Variants in WNT7B observed in about 807,000 individuals in gnomAD.
The protein encoded by WNT7B is Wnt family member 7B, also known as protein Wnt-7b.
WNT7B carries 19 observed loss-of-function variants against 38.2 expected under a neutral mutation model. The observed-to-expected ratio is 0.50, with a 90% CI of 0.35 to 0.73. The LOEUF (loss-of-function observed/expected upper bound fraction) is 0.73, where lower values mean the gene tolerates loss of function less well. WNT7B is among the 30% of genes least tolerant of loss of function. WNT7B has a pLI of 0.01. For missense variants in WNT7B, 423 were observed against 507.9 expected, an observed-to-expected ratio of 0.83 and a Z score of 1.61; for synonymous variants, 243 against 209.3, an observed-to-expected ratio of 1.16 and a Z score of -1.39.
chr22:45,960,115 G>C (rs1313977273), intron 1 of WNT7B, among the ~76,000 whole-genome samples: 1 of 152,160 alleles, frequency 6.6e-6, no homozygotes, highest in Non-Finnish European at 1.5e-5. Flanking sequence ...GCAGGATCAT[G>C]GCCTCGGGGC....
intron 1 of WNT7B, chr22:45,954,919 T>C (rs1030553260): frequency 4.0e-6 from 1 of 252,970 alleles, no homozygotes; most frequent in African/African-American, 2.3e-5. Flanking sequence ...TCAGAGAGGC[T>C]AGGGGACCTG....
chr22:45,926,693 T>C, intron 3 of WNT7B: 3 of 980,506 alleles, frequency 3.1e-6, no homozygotes, highest in South Asian at 4.7e-5. Flanking sequence ...GGCCGGTCCC[T>C]GCCCCTAAGT....
chr22:45,940,152 ATAGGG>A (rs1392693972), intron 2 of WNT7B, among the ~76,000 whole-genome samples: 13 of 152,174 alleles, frequency 8.5e-5, no homozygotes, highest in African/African-American at 3.1e-4. Flanking sequence ...TGATGGACAC[ATAGGG>A]CCAATGGATG....
intron 3 of WNT7B, among the ~76,000 whole-genome samples, chr22:45,928,508 C>T (rs140333154): frequency 8.2e-4 from 123 of 150,626 alleles, no homozygotes; most frequent in Non-Finnish European, 9.8e-4. Context: ...ACCGGCCATC[C>T]GAGACAAGGC....
At chr22:45,960,681 A>T (rs1246259501) in intron 1 of WNT7B, among the ~76,000 whole-genome samples, 1 of 152,334 alleles carries the variant, frequency 6.6e-6, no homozygotes, top group Non-Finnish European at 1.5e-5. Context: ...TATCTGAAGA[A>T]TGTTCCAATT....
At chr22:45,972,026 C>T in intron 1 of WNT7B, 1 of 451,932 alleles carries the variant, frequency 2.2e-6, no homozygotes, top group Non-Finnish European at 3.9e-6. Flanking sequence ...CCCCCGGCTC[C>T]CGCGCGCGAC....
chr22:45,954,572 C>T, intron 1 of WNT7B: 1 of 985,332 alleles, frequency 1.0e-6, no homozygotes, highest in Non-Finnish European at 1.2e-6. Flanking sequence ...GTGGGGCTGA[C>T]AGAGCAGGGG....
rs1932546368 is a variant in WNT7B, at chr22:45,976,185, G to A, written c.71+499C>T. On this transcript the variant is annotated intron_variant, in intron 1 of 3. Transcript: ENST00000339464. This position sits in a 1 kb window ranked among gnomAD's most constrained non-coding sequence, Gnocchi z 8.5. ...TTTCAACACGTCTGGGTGATGGATA[G>A]AGACGAAGGGCCGCGGCGGGTGCCC... Among the ~76,000 whole-genome samples the A allele has an allele frequency of 6.8e-6, 1 of 146,088 alleles. No individual in the cohort carries two copies. Among genetic ancestry groups the A allele is most frequent in the Non-Finnish European group, 1.5e-5 (1 of 65,670 alleles).
At chr22:45,929,574 A>T (rs1931230744) in intron 3 of WNT7B, among the ~76,000 whole-genome samples, 1 of 140,386 alleles carries the variant, frequency 7.1e-6, no homozygotes, top group African/African-American at 2.7e-5. Context: ...CCCCTCATTC[A>T]TCCATACTTC....
At chr22:45,937,630 G>T (rs1177779520) in intron 2 of WNT7B, among the ~76,000 whole-genome samples, 2 of 152,254 alleles carry the variant, frequency 1.3e-5, no homozygotes, top group African/African-American at 4.8e-5. Context: ...CCCGCCAGCT[G>T]CCATGTGAAC....
At chr22:45,960,426 C>T (rs2146744353) in intron 1 of WNT7B, among the ~76,000 whole-genome samples, 1 of 152,094 alleles carries the variant, frequency 6.6e-6, no homozygotes. Flanking sequence ...AATTGCCCAG[C>T]ACCTGGCCAG....
At chr22:45,925,679 C>A (rs1931061288) in intron 3 of WNT7B, 1 of 985,306 alleles carries the variant, frequency 1.0e-6, no homozygotes. Context: ...CCCTTCAGGC[C>A]TGGAAGTGTC....
intron 3 of WNT7B, among the ~76,000 whole-genome samples, chr22:45,928,177 C>A (rs964198218): frequency 1.1e-4 from 17 of 152,168 alleles, no homozygotes; most frequent in Non-Finnish European, 1.8e-4. Flanking sequence ...TGCTTTCCAC[C>A]CACCTCACTG....
intron 3 of WNT7B, chr22:45,927,134 C>T (rs2055931038): frequency 1.0e-6 from 1 of 985,336 alleles, no homozygotes; most frequent in Non-Finnish European, 1.2e-6. Flanking sequence ...GGGGGCATGG[C>T]CTCTGTCTGC....
At position 45,965,275 on chromosome 22, in the gene WNT7B, C is replaced by A. The variant is rs1162687125; in HGVS notation, c.71+11409G>T. On this transcript the variant is annotated intron_variant, in intron 1 of 3. Coordinates refer to ENST00000339464, the MANE Select transcript of WNT7B (RefSeq NM_058238.3). This position sits in a 1 kb window ranked among gnomAD's most constrained non-coding sequence, Gnocchi z 6.5. ...TGAGAGGTCTTCCCTGGGCCACCCT[C>A]ATCACAGATGGCTTAGAGCTCCTGC... 2.6e-5 allele frequency among the ~76,000 whole-genome samples: 4 copies of A among 152,232 alleles called. No homozygotes were observed. The highest frequency in any genetic ancestry group is 5.9e-5 in the Non-Finnish European group (4 of 68,050).
intron 2 of WNT7B, among the ~76,000 whole-genome samples, chr22:45,933,464 G>A (rs992714974): frequency 3.3e-5 from 5 of 152,178 alleles, no homozygotes; most frequent in Non-Finnish European, 5.9e-5. Context: ...GGAAGCCCAT[G>A]CATGAGGTGT....
At chr22:45,954,499 G>A (rs184923693) in intron 1 of WNT7B, among the ~76,000 whole-genome samples, 1 of 152,294 alleles carries the variant, frequency 6.6e-6, no homozygotes, top group East Asian at 1.9e-4. Flanking sequence ...CCAATTGAAG[G>A]GGATGCGAGA....
chr22:45,977,102 C>G lies in WNT7B; in HGVS notation c.-348G>C. On this transcript the variant is annotated 5_prime_UTR_variant, in exon 1 of 4. Coordinates refer to ENST00000339464, the MANE Select transcript of WNT7B (RefSeq NM_058238.3). ...AGGCGCAGCCGCCTGAGGCCGTGAG[C>G]GCCTCGCCGAGCGCCGCGGCGGCCA... 2 of 839,408 alleles carry G rather than the reference C, an allele frequency of 2.4e-6. No homozygotes were observed. The highest frequency in any genetic ancestry group is 2.9e-6 in the Non-Finnish European group (2 of 696,810). 52.0% of individuals were successfully genotyped at this position (839,408 alleles called of 1,614,324 possible).
chr22:45,929,942 T>TTCCA (rs1931277980), intron 3 of WNT7B, among the ~76,000 whole-genome samples: 1 of 95,160 alleles, frequency 1.1e-5, no homozygotes, highest in Admixed American at 1.0e-4. Context: ...CCACTCATCC[T>TTCCA]TCCATCCATC....
Sources: gnomAD v4.1 joint callset for allele counts (sites outside exome capture counted in the v4.1 genomes callset) on GRCh38, gnomAD v4.1.1 for gene constraint, Gnocchi (gnomAD v3.1) non-coding constraint, MANE v1.5 for transcripts, NCBI Gene and HGNC (gene_info 2026-07-23, HGNC 2026-07-21) for gene names.